The following PRKCB variants were observed in gnomAD, a reference collection of about 807,000 sequenced individuals.
PRKCB encodes protein kinase C beta.
PRKCB carries 13 observed loss-of-function variants against 81.5 expected under a neutral mutation model. The observed-to-expected ratio is 0.16, with a 90% CI of 0.10 to 0.25. PRKCB has a LOEUF of 0.25. PRKCB is among the 10% of genes least tolerant of loss of function. The probability of loss-of-function intolerance (pLI) is 1.00; values close to 1 mark genes in which losing one functional copy is unlikely to be tolerated. For synonymous variants in PRKCB, 335 were observed against 321.4 expected (o/e 1.04, Z -0.45); for missense variants, 509 against 875.7 (o/e 0.58, Z 5.29).
At chr16:23,887,842 T>G (rs1305736199) in intron 2 of PRKCB, among the ~76,000 whole-genome samples, 1 of 151,224 alleles carries the variant, frequency 6.6e-6, no homozygotes. Flanking sequence ...TTTTTCTCCG[T>G]AATCTCACCA....
intron 16 of PRKCB, among the ~76,000 whole-genome samples, chr16:24,213,298 G>A (rs1309687978): frequency 1.3e-5 from 2 of 152,134 alleles, no homozygotes; most frequent in Non-Finnish European, 2.9e-5. Context: ...CTCCCAAAGT[G>A]CTGGGATTAC....
At chr16:23,870,701 G>C (rs765272837) in intron 2 of PRKCB, among the ~76,000 whole-genome samples, 4 of 152,234 alleles carry the variant, frequency 2.6e-5, no homozygotes, top group Non-Finnish European at 5.9e-5. Flanking sequence ...TGGCAGGGCT[G>C]TCAGGTACAG....
At chr16:23,881,316 G>A (rs144006288) in intron 2 of PRKCB, among the ~76,000 whole-genome samples, 43 of 150,052 alleles carry the variant, frequency 2.9e-4, no homozygotes, top group African/African-American at 5.6e-4. Context: ...GCGGTGGCGC[G>A]GTCTTGGTTC....
intron 16 of PRKCB, among the ~76,000 whole-genome samples, chr16:24,205,262 G>A (rs751230206): frequency 4.1e-5 from 6 of 147,732 alleles, no homozygotes; most frequent in South Asian, 2.1e-4. Context: ...GGGATTCCCC[G>A]TGCCTCAGCC....
chr16:23,906,121 A>G (rs147335979), intron 2 of PRKCB, among the ~76,000 whole-genome samples: 2 of 152,282 alleles, frequency 1.3e-5, no homozygotes, highest in East Asian at 3.9e-4. Flanking sequence ...ATGTGGATTG[A>G]TGTTGCTGAA....
chr16:23,989,992 A>T (rs1318182009), intron 3 of PRKCB, among the ~76,000 whole-genome samples: 1 of 152,094 alleles, frequency 6.6e-6, no homozygotes, highest in Admixed American at 6.6e-5. Flanking sequence ...TTGTACAAGG[A>T]TATAATGCTT....
intron 2 of PRKCB, among the ~76,000 whole-genome samples, chr16:23,950,685 G>A (rs796973674): frequency 1.3e-5 from 2 of 152,324 alleles, no homozygotes; most frequent in East Asian, 3.9e-4. Context: ...GGCATCAGTG[G>A]GCATTTTGGG....
At chr16:23,934,032 TCCA>T (rs1964022974) in intron 2 of PRKCB, among the ~76,000 whole-genome samples, 1 of 151,340 alleles carries the variant, frequency 6.6e-6, no homozygotes, top group Non-Finnish European at 1.5e-5. Flanking sequence ...CATCCATCCA[TCCA>T]TCCATCCATC....
At chr16:24,108,080 C>CT (rs1266482494) in intron 7 of PRKCB, among the ~76,000 whole-genome samples, 3 of 152,080 alleles carry the variant, frequency 2.0e-5, no homozygotes, top group Non-Finnish European at 4.4e-5. Flanking sequence ...CAGGGGCAGG[C>CT]TTTCGATTGA....
chr16:24,098,912 T>C (rs1217877590), intron 7 of PRKCB: 1 of 152,244 alleles, frequency 6.6e-6, no homozygotes, highest in Non-Finnish European at 1.5e-5. Context: ...TTTTTGGTTT[T>C]CTTTTTCCCC....
In PRKCB at chr16:24,084,285, T is replaced by G. The variant is rs534611003; in HGVS notation, c.530-8506T>G. ...CATCTATACTGTATTCAAAGTAGAG[T>G]TCAAGACAAATATATAATATACTAT... On this transcript the variant is annotated intron_variant, in intron 5 of 16. Coordinates refer to ENST00000643927, the MANE Select transcript of PRKCB (RefSeq NM_002738.7). 2.0e-5 allele frequency among the ~76,000 whole-genome samples: 3 copies of G among 152,100 alleles called. No individual in the cohort carries two copies. In the East Asian group the frequency reaches 5.8e-4, roughly 29 times the overall value.
At chr16:24,134,744 G>A (rs902112525) in intron 9 of PRKCB, among the ~76,000 whole-genome samples, 6 of 138,212 alleles carry the variant, frequency 4.3e-5, no homozygotes, top group African/African-American at 1.4e-4. Flanking sequence ...GCGAGACTCC[G>A]TCTCAAAGGA....
At chr16:24,079,477 A>G (rs2141891385) in intron 5 of PRKCB, among the ~76,000 whole-genome samples, 1 of 151,734 alleles carries the variant, frequency 6.6e-6, no homozygotes, top group Admixed American at 6.6e-5. Context: ...TTAGAGTAAC[A>G]TTTTTTTTTC....
rs1555481652 is a variant in PRKCB, at chr16:23,882,004, T to TTCTTTCTTTCTTTC, written c.205+44600_205+44613dup. Among the ~76,000 whole-genome samples, 60 of 72,020 alleles carry TTCTTTCTTTCTTTC rather than the reference T, an allele frequency of 8.3e-4. 3 individuals are homozygous for TTCTTTCTTTCTTTC. Among genetic ancestry groups the TTCTTTCTTTCTTTC allele is most frequent in the African/African-American group, 1.3e-3 (27 of 21,492 alleles). The allele number at this position is 72,020 out of a possible 152,430, so 47.2% of individuals were successfully genotyped here. ...TTTCTTTCTTTCTTTCTTTCTTTCTTTCTTTCTTTCTTTCTTTCTTCCTTC... is the reference window on the plus strand; with the variant it reads ...TTTCTTTCTTTCTTTCTTTCTTTCTTTCTTTCTTTCTTTCTCTTTCTTTCTTTCTTTCTTCCTTC... On this transcript the variant is annotated intron_variant, in intron 2 of 16. Transcript: ENST00000643927.
chr16:24,195,327 T>C (rs1967862757), intron 16 of PRKCB, among the ~76,000 whole-genome samples: 1 of 152,154 alleles, frequency 6.6e-6, no homozygotes. Flanking sequence ...TTCTCCTTCC[T>C]CACCCCTTCT....
intron 7 of PRKCB, among the ~76,000 whole-genome samples, chr16:24,110,881 G>A (rs1012378058): frequency 1.3e-4 from 20 of 152,224 alleles, no homozygotes; most frequent in African/African-American, 4.8e-4. Context: ...TTTGTAACAA[G>A]TGATATTGAA....
At chr16:24,102,147 G>A (rs1345972240) in intron 7 of PRKCB, among the ~76,000 whole-genome samples, 1 of 152,088 alleles carries the variant, frequency 6.6e-6, no homozygotes, top group Non-Finnish European at 1.5e-5. Flanking sequence ...TGTGACCTCA[G>A]GTGAGCCACT....
chr16:23,901,019 C>G (rs1182075326), intron 2 of PRKCB, among the ~76,000 whole-genome samples: 1 of 152,124 alleles, frequency 6.6e-6, no homozygotes, highest in East Asian at 1.9e-4. Flanking sequence ...ACCGCCCCCT[C>G]TCCTATGGGG....
intron 4 of PRKCB, among the ~76,000 whole-genome samples, chr16:24,032,915 T>C (rs760792329): frequency 6.6e-6 from 1 of 152,170 alleles, no homozygotes; most frequent in Non-Finnish European, 1.5e-5. Flanking sequence ...GTTTTCAGCA[T>C]TGAGATGTGG....
Sources: allele counts gnomAD v4.1 joint callset (sites outside exome capture counted in the v4.1 genomes callset), GRCh38; gene constraint gnomAD v4.1.1; transcripts MANE v1.5; gene names NCBI Gene and HGNC (gene_info 2026-07-23, HGNC 2026-07-21).